Variants in ABCC2 observed in about 807,000 individuals in gnomAD.
The protein encoded by ABCC2 is ATP-binding cassette sub-family C member 2.
A neutral mutation model predicts 173.4 loss-of-function variants in ABCC2; 157 were observed. The observed-to-expected ratio is 0.91, with a 90% CI of 0.80 to 1.03. ABCC2 has a LOEUF of 1.03. ABCC2 is among the 50% of genes least tolerant of loss of function. ABCC2 has a pLI of 0.00. For missense variants in ABCC2, 1,822 were observed against 1,852.3 expected (o/e 0.98, Z 0.30); for synonymous variants, 657 against 693.5 (o/e 0.95, Z 0.83).
rs899510316 is a variant in ABCC2, at chr10:99,852,564, G to A, written c.*933G>A. Among the ~76,000 whole-genome samples the A allele has an allele frequency of 2.0e-4, 31 of 152,162 alleles. No individual in the cohort carries two copies. The highest frequency in any genetic ancestry group is 6.5e-4 in the African/African-American group (27 of 41,490). The stretch of plus-strand genomic sequence containing the variant: ...TCTTGTGAATTTTTATTATAAGCTC[G>A]TTCTCCTTAAAACTTTATCTGTGGA... On this transcript the variant is annotated 3_prime_UTR_variant, in exon 32 of 32. Coordinates refer to ENST00000647814, the MANE Select transcript of ABCC2 (RefSeq NM_000392.5).
intron 2 of ABCC2, among the ~76,000 whole-genome samples, chr10:99,787,780 G>A (rs542862554): frequency 6.6e-6 from 1 of 152,156 alleles, no homozygotes; most frequent in Admixed American, 6.5e-5. Flanking sequence ...AGTACAAAAG[G>A]AGCTGGGCAT....
chr10:99,793,866 T>A, intron 4 of ABCC2, 26 bp from the exon 5 acceptor site: 1 of 1,600,564 alleles, frequency 6.2e-7, no homozygotes, highest in Middle Eastern at 1.7e-4. Context: ...AAGGCTCATT[T>A]TTCCTCTTTG....
In ABCC2 at chr10:99,797,099, T is replaced by A; in HGVS notation, c.635T>A (p.Ile212Asn). ...CCTGTGGTTCGCTCTTGTTCCAGCA[T>A]CATTCTGAAAGGCTACAAGCGTCCT... is the stretch of plus-strand genomic sequence containing the variant. The part of the protein sequence containing the change: ...SSITYSWYDS[I>N]ILKGYKRPLT... The change falls in exon 7 of 32, where the codon ATC becomes AAC. Residue 212 changes from isoleucine (I) to asparagine (N), a missense_variant and splice_region_variant. By Grantham distance (149) the Ile-to-Asn change is moderately radical. Transcript: ENST00000647814. 6.2e-7 allele frequency: 1 copy of A among 1,614,036 alleles called. No individual in the cohort carries two copies.
chr10:99,843,264 A>T (rs913806309), intron 26 of ABCC2, among the ~76,000 whole-genome samples: 19 of 151,132 alleles, frequency 1.3e-4, no homozygotes, highest in African/African-American at 4.4e-4. Flanking sequence ...CGGCAATTAC[A>T]TATGCTTCAA....
chr10:99,825,989 G>A (rs1034959443), intron 19 of ABCC2, among the ~76,000 whole-genome samples: 47 of 152,322 alleles, frequency 3.1e-4, no homozygotes, highest in African/African-American at 9.1e-4. Flanking sequence ...CCCTTTGGTC[G>A]TTTCCCGACA....
At chr10:99,814,954 C>T (rs1404732152) in intron 16 of ABCC2, among the ~76,000 whole-genome samples, 6 of 151,642 alleles carry the variant, frequency 4.0e-5, no homozygotes, top group Non-Finnish European at 8.8e-5. Flanking sequence ...CAGGTGTGTG[C>T]CACCATGCCC....
chr10:99,840,852 T>C (rs1438812371), intron 25 of ABCC2, among the ~76,000 whole-genome samples: 3 of 151,974 alleles, frequency 2.0e-5, no homozygotes, highest in Non-Finnish European at 4.4e-5. Context: ...TCTCTGGTCC[T>C]GACCCCTCAT....
chr10:99,832,193 G>A, intron 23 of ABCC2, 62 bp downstream of exon 23: 2 of 1,599,260 alleles, frequency 1.3e-6, no homozygotes, highest in East Asian at 4.5e-5. Context: ...CTGATAGGGA[G>A]GAATTATTAT....
chr10:99,849,944 T>C (rs749352419), intron 30 of ABCC2, among the ~76,000 whole-genome samples: 10 of 152,376 alleles, frequency 6.6e-5, no homozygotes, highest in Admixed American at 2.6e-4. Flanking sequence ...TTTAGCAAAT[T>C]AAAGCTATTT....
intron 14 of ABCC2, among the ~76,000 whole-genome samples, chr10:99,810,753 G>A (rs921159597): frequency 1.3e-5 from 2 of 152,166 alleles, no homozygotes; most frequent in Admixed American, 6.5e-5. Flanking sequence ...AGCCGGGTGC[G>A]GTGGCTCATG....
chr10:99,836,384 G>A (rs1312840710), intron 25 of ABCC2, 94 bp downstream of exon 25: 2 of 1,276,932 alleles, frequency 1.6e-6, no homozygotes, highest in Admixed American at 1.8e-5. Context: ...CTAGTGGTGT[G>A]AAATTCACTC....
chr10:99,850,550 G>A (rs569432432), intron 30 of ABCC2, 52 bp from the exon 31 acceptor site: 18 of 1,585,258 alleles, frequency 1.1e-5, no homozygotes, highest in Admixed American at 3.4e-5. Flanking sequence ...CCTGCCCTGC[G>A]TCTTTCCTTG....
At chr10:99,789,615 T>G (rs2037777691) in intron 2 of ABCC2, among the ~76,000 whole-genome samples, 1 of 148,716 alleles carries the variant, frequency 6.7e-6, no homozygotes, top group Admixed American at 6.9e-5. Flanking sequence ...CTTGGGAGGC[T>G]GAGGCAGGAG....
intron 28 of ABCC2, among the ~76,000 whole-genome samples, chr10:99,844,921 G>A (rs1406140599): frequency 1.3e-5 from 2 of 152,336 alleles, no homozygotes; most frequent in East Asian, 3.9e-4. Flanking sequence ...GGTCTGATGA[G>A]CAAGGACGCT....
Position 99,845,794 on chromosome 10 carries a change from A to T in ABCC2, c.4146+12A>T. 6.2e-7 allele frequency: 1 copy of T among 1,606,532 alleles called. No homozygotes were observed. The highest frequency in any genetic ancestry group is 1.1e-5 in the South Asian group (1 of 89,648). On this transcript the variant is annotated intron_variant, in intron 29 of 31. Coordinates refer to ENST00000647814, the MANE Select transcript of ABCC2 (RefSeq NM_000392.5). ...CCATCATCCCCCAGGTGAGCTCTAG[A>T]ACTTACTCGGGCACATGCCGTGGGG...
intron 16 of ABCC2, among the ~76,000 whole-genome samples, chr10:99,814,952 T>C (rs961960650): frequency 2.0e-5 from 3 of 151,260 alleles, no homozygotes; most frequent in Admixed American, 6.6e-5. Flanking sequence ...TACAGGTGTG[T>C]GCCACCATGC....
intron 19 of ABCC2, among the ~76,000 whole-genome samples, chr10:99,826,853 TC>T (rs1379088783): frequency 7.4e-6 from 1 of 134,838 alleles, no homozygotes; most frequent in East Asian, 2.2e-4. Context: ...ACTGTTTTAC[TC>T]CCTCTTTCAT....
At chr10:99,842,161 T>C (rs2038958632) in intron 26 of ABCC2, 68 bp downstream of exon 26, 3 of 1,601,918 alleles carry the variant, frequency 1.9e-6, no homozygotes, top group African/African-American at 1.3e-5. Context: ...TGATGTATAC[T>C]GTGGAGTCTG....
Position 99,845,071 on chromosome 10 carries a change from C to A in ABCC2, c.3988-553C>A, listed in dbSNP as rs567372933. 2.0e-5 allele frequency among the ~76,000 whole-genome samples: 3 copies of A among 151,974 alleles called. No individual in the cohort carries two copies. The South Asian group carries it at 6.3e-4, about 32-fold the overall frequency. On this transcript the variant is annotated intron_variant, in intron 28 of 31. Transcript: ENST00000647814. Reference sequence around the variant, plus strand: ...TTCAGATGGAGTCTCACTCTATCACCCAGGCTGGAGTGCAGTGGCACAATC... The same window carrying A: ...TTCAGATGGAGTCTCACTCTATCACACAGGCTGGAGTGCAGTGGCACAATC...
Sources: allele counts gnomAD v4.1 joint callset (sites outside exome capture counted in the v4.1 genomes callset), GRCh38; gene constraint gnomAD v4.1.1; transcripts MANE v1.5; gene names NCBI Gene and HGNC (gene_info 2026-07-23, HGNC 2026-07-21).